Variants in IQGAP1 observed in about 807,000 individuals in gnomAD.
The protein encoded by IQGAP1 is ras GTPase-activating-like protein IQGAP1.
In IQGAP1, 66 loss-of-function variants were observed where a neutral mutation model predicts 215.6. That is an observed-to-expected ratio of 0.31 (90% confidence interval 0.25 to 0.38). IQGAP1 has a LOEUF of 0.38. Among genes scored for constraint, IQGAP1 ranks in the 10% least tolerant of loss-of-function variants. The pLI is 1.00. For synonymous variants in IQGAP1, 772 were observed against 728.7 expected (o/e 1.06, Z -0.96); for missense variants, 1,712 against 1,997.1 (o/e 0.86, Z 2.72).
intron 12 of IQGAP1, 57 bp from the exon 13 acceptor site, chr15:90,453,075 C>G: frequency 1.3e-6 from 2 of 1,563,446 alleles, no homozygotes; most frequent in Non-Finnish European, 1.7e-6. Context: ...TTATAACTCC[C>G]TGGGTCTTGG....
In IQGAP1 at chr15:90,482,381, G is replaced by A. The variant is rs1032356520; in HGVS notation, c.3555+100G>A. 7.3e-6 allele frequency: 8 copies of A among 1,090,230 alleles called. No homozygotes were observed. The Admixed American group carries it at 1.3e-4, about 18-fold the overall frequency. 67.5% of individuals were successfully genotyped at this position (1,090,230 alleles called of 1,614,324 possible). ...TACTAACTGCCTAAGTGTAGGTTCT[G>A]GCAGTAGCTTACCATTGATTGTGAG... On this transcript the variant is annotated intron_variant, in intron 28 of 37. Coordinates refer to ENST00000268182, the MANE Select transcript of IQGAP1 (RefSeq NM_003870.4).
chr15:90,396,956 G>A (rs1486967854), intron 2 of IQGAP1, among the ~76,000 whole-genome samples: 1 of 151,792 alleles, frequency 6.6e-6, no homozygotes, highest in Non-Finnish European at 1.5e-5. Context: ...GGGTTCAAAC[G>A]ATTCTCCTTC....
chr15:90,487,605 C>T, intron 33 of IQGAP1, 23 bp downstream of exon 33: 1 of 1,516,896 alleles, frequency 6.6e-7, no homozygotes, highest in Non-Finnish European at 9.2e-7. Context: ...GTCTAACATA[C>T]TCCTTTGTTT....
At chr15:90,450,895 G>A (rs1233007199) in intron 11 of IQGAP1, among the ~76,000 whole-genome samples, 1 of 148,544 alleles carries the variant, frequency 6.7e-6, no homozygotes, top group Non-Finnish European at 1.5e-5. Flanking sequence ...GTTTGCAAAT[G>A]TTTTCTCCTG....
chr15:90,474,827 T>C (rs1033413375), intron 23 of IQGAP1, 134 bp downstream of exon 23: 11 of 642,790 alleles, frequency 1.7e-5, no homozygotes, highest in Middle Eastern at 4.3e-4. Context: ...TTTTTTTTTT[T>C]CTTTTGACTG....
rs774003430 is a variant in IQGAP1, at chr15:90,492,561, G to A, written c.4478G>A (p.Arg1493Gln). The A allele has an allele frequency of 5.0e-6, 8 of 1,602,088 alleles. No homozygotes were observed. The highest frequency in any genetic ancestry group is 2.2e-5 in the East Asian group (1 of 44,746). The part of the protein sequence containing the change: ...NDIARDIRNQ[R>Q]RYRQRRKAEL... Reference sequence around the variant, plus strand: ...ATGTCTCAGGATATTCGGAATCAGCGGAGGTACCGACAGAGGAGAAAGGCC... The same window carrying A: ...ATGTCTCAGGATATTCGGAATCAGCAGAGGTACCGACAGAGGAGAAAGGCC... Residue 1493 changes from arginine (R) to glutamine (Q), a missense_variant, in exon 35 of 38, where the codon CGG (arginine) becomes CAG (glutamine). This residue lies in a region of IQGAP1 where 691 missense variants were observed against 923.0 expected (regional missense o/e 0.75). Transcript: ENST00000268182.
chr15:90,423,059 C>T (rs1212423692), intron 2 of IQGAP1, among the ~76,000 whole-genome samples: 4 of 151,118 alleles, frequency 2.6e-5, no homozygotes, highest in African/African-American at 9.7e-5. Flanking sequence ...CATTTGCTTC[C>T]TGGCTCTCAG....
At chr15:90,442,856 C>T (rs546971396) in intron 8 of IQGAP1, among the ~76,000 whole-genome samples, 73 of 152,242 alleles carry the variant, frequency 4.8e-4, no homozygotes, top group African/African-American at 1.7e-3. Context: ...CCTGTAGTCC[C>T]AGCTACTCAG....
chr15:90,476,568 T>C (rs1304331025), intron 23 of IQGAP1, 95 bp from the exon 24 acceptor site: 28 of 880,564 alleles, frequency 3.2e-5, no homozygotes, highest in Non-Finnish European at 4.3e-5. Context: ...CAGTACACCT[T>C]CATGTGAGTT....
intron 2 of IQGAP1, among the ~76,000 whole-genome samples, chr15:90,418,416 G>C (rs528979828): frequency 1.3e-5 from 2 of 151,730 alleles, no homozygotes; most frequent in South Asian, 4.2e-4. Context: ...GGGAGTTGCT[G>C]TCTCTACAAA....
chr15:90,477,518 T>C (rs1965996301), intron 25 of IQGAP1, 147 bp from the exon 26 acceptor site: 6 of 665,896 alleles, frequency 9.0e-6, no homozygotes, highest in Non-Finnish European at 1.5e-5. Context: ...TGACCACGAT[T>C]GAGCGTGCAG....
intron 1 of IQGAP1, 65 bp downstream of exon 1, chr15:90,388,461 T>A: frequency 1.4e-6 from 1 of 716,318 alleles, no homozygotes; most frequent in Non-Finnish European, 2.0e-6. Context: ...GGCGCGATTT[T>A]CCTGGGGGCT....
At chr15:90,478,708 T>C (rs746813875) in intron 26 of IQGAP1, among the ~76,000 whole-genome samples, 5 of 152,282 alleles carry the variant, frequency 3.3e-5, no homozygotes, top group East Asian at 1.9e-4. Context: ...CTGAACACTC[T>C]AAGCTGGAGG....
intron 25 of IQGAP1, 108 bp from the exon 26 acceptor site, chr15:90,477,557 A>G (rs977191484): frequency 2.4e-5 from 20 of 820,348 alleles, no homozygotes; most frequent in Middle Eastern, 5.3e-4. Flanking sequence ...AGTGCTGGGG[A>G]ATGTTTCGAG....
intron 4 of IQGAP1, among the ~76,000 whole-genome samples, chr15:90,431,785 G>A (rs983601953): frequency 3.3e-5 from 5 of 152,230 alleles, no homozygotes; most frequent in East Asian, 3.9e-4. Flanking sequence ...TTGACAATAC[G>A]TATATGGTGT....
chr15:90,429,893 C>G, intron 4 of IQGAP1: 1 of 330,948 alleles, frequency 3.0e-6, no homozygotes, highest in Non-Finnish European at 5.5e-6. Context: ...GTGATGATAT[C>G]TACTTTTACT....
At position 90,476,680 on chromosome 15, in the gene IQGAP1, TA is replaced by T; in HGVS notation, c.2808del (p.Lys936AsnfsTer13). On this transcript the variant is annotated frameshift_variant, in exon 24 of 38. Coordinates refer to ENST00000268182, the MANE Select transcript of IQGAP1 (RefSeq NM_003870.4). LOFTEE classifies it high-confidence loss of function. ...GTTTATAGGATGTGGTTTCCCACAG[TA>T]AAAAACTTACCAAAAAAAATAAGGA... ...ITLQDVVSHS[K>X]KLTKKNKEQL... 6.3e-7 allele frequency: 1 copy of T among 1,585,342 alleles called. No individual in the cohort carries two copies. Among genetic ancestry groups the T allele is most frequent in the Non-Finnish European group, 8.5e-7 (1 of 1,172,274 alleles).
chr15:90,410,545 A>G lies in IQGAP1; in HGVS notation c.156-15565A>G, dbSNP rs552172872. Among the ~76,000 whole-genome samples, 799 of 152,250 alleles carry G rather than the reference A, an allele frequency of 5.2e-3. 5 individuals are homozygous for G. The highest frequency in any genetic ancestry group is 0.019 in the African/African-American group (770 of 41,538). On this transcript the variant is annotated intron_variant, in intron 2 of 37. Transcript: ENST00000268182. ...GTTCATGTCCTTTGTAGGGACATGGATGAAGCTGGAAACTATCATTCTCAG... is the reference window on the plus strand; with the variant it reads ...GTTCATGTCCTTTGTAGGGACATGGGTGAAGCTGGAAACTATCATTCTCAG...
intron 35 of IQGAP1, among the ~76,000 whole-genome samples, chr15:90,493,353 C>G (rs1156441677): frequency 1.3e-5 from 2 of 152,138 alleles, no homozygotes; most frequent in South Asian, 2.1e-4. Flanking sequence ...TTGCTCCTCT[C>G]TATACTTCCT....
Sources: allele counts gnomAD v4.1 joint callset (sites outside exome capture counted in the v4.1 genomes callset), GRCh38; gene constraint gnomAD v4.1.1; regional missense constraint gnomAD v4.1.1; transcripts MANE v1.5; gene names NCBI Gene and HGNC (gene_info 2026-07-23, HGNC 2026-07-21).